The following KCNC2 variants were observed in gnomAD, a reference collection of about 807,000 sequenced individuals.
KCNC2 encodes the protein voltage-gated potassium channel KCNC2.
Under a neutral mutation model 44.5 loss-of-function variants are expected in KCNC2, and 21 were observed. The observed-to-expected ratio is 0.47, with a 90% CI of 0.33 to 0.68. The LOEUF (loss-of-function observed/expected upper bound fraction) is 0.68, where lower values mean the gene tolerates loss of function less well. KCNC2 is among the 30% of genes least tolerant of loss of function. KCNC2 has a pLI of 0.01. For missense variants in KCNC2, 589 were observed against 826.2 expected (o/e 0.71, Z 3.52); for synonymous variants, 391 against 339.1 (o/e 1.15, Z -1.68).
In KCNC2 at chr12:75,103,007, G is replaced by A. The variant is rs765527972; in HGVS notation, c.688-51690C>T. On this transcript the variant is annotated intron_variant, in intron 2 of 4. Coordinates refer to ENST00000549446, the MANE Select transcript of KCNC2 (RefSeq NM_139137.4). ...CACAGTAGGAGAAAGGACCTGGGGT[G>A]TCTCAAATGGGTGCAAGCATGACAA... is the stretch of plus-strand genomic sequence containing the variant. Among the ~76,000 whole-genome samples, 32 of 152,166 alleles carry A rather than the reference G, an allele frequency of 2.1e-4. 2 individuals carry two copies. The highest frequency in any genetic ancestry group is 2.1e-3 in the South Asian group (10 of 4,820).
chr12:75,178,674 C>A (rs1892358737), intron 2 of KCNC2, among the ~76,000 whole-genome samples: 1 of 151,942 alleles, frequency 6.6e-6, no homozygotes, highest in African/African-American at 2.4e-5. Flanking sequence ...AGTACACCCC[C>A]AATTTTTAAA....
At chr12:75,043,666 C>A in intron 4 of KCNC2, 2 of 1,306,396 alleles carry the variant, frequency 1.5e-6, no homozygotes. Context: ...ATTTCCTAAG[C>A]CAATAAAGCA....
At chr12:75,141,926 C>T (rs565680400) in intron 2 of KCNC2, among the ~76,000 whole-genome samples, 2 of 152,218 alleles carry the variant, frequency 1.3e-5, no homozygotes, top group South Asian at 2.1e-4. Flanking sequence ...TTCATCCTCA[C>T]AAAAATATAC....
At chr12:75,128,426 A>G (rs12425622) in intron 2 of KCNC2, among the ~76,000 whole-genome samples, 22,906 of 152,164 alleles carry the variant, frequency 0.15, 2,058 homozygotes, top group Middle Eastern at 0.27. Flanking sequence ...GTTATAAAAA[A>G]CAATACTTGG....
rs3073537 is a variant in KCNC2, at chr12:75,177,032, TTATATATA to T, written c.687+30257_687+30264del. Among the ~76,000 whole-genome samples, 11 of 139,912 alleles carry T rather than the reference TTATATATA, an allele frequency of 7.9e-5. No individual in the cohort carries two copies. In the South Asian group the frequency reaches 1.1e-3, roughly 14 times the overall value. The allele number at this position is 139,912 out of a possible 152,430, so 91.8% of individuals were successfully genotyped here. On this transcript the variant is annotated intron_variant, in intron 2 of 4. Transcript: ENST00000549446. ...GGTAAGTGAAGTGATGCTGCAAGTT[TTATATATA>T]TATATATATATATATATACACACAC... is the stretch of plus-strand genomic sequence containing the variant.
At chr12:75,070,665 AATG>A (rs1883309432) in intron 2 of KCNC2, among the ~76,000 whole-genome samples, 3 of 151,908 alleles carry the variant, frequency 2.0e-5, no homozygotes, top group Non-Finnish European at 4.4e-5. Flanking sequence ...TTTACTACAA[AATG>A]ATATTTTATA....
chr12:75,114,137 ACT>A (rs1454907625), intron 2 of KCNC2, among the ~76,000 whole-genome samples: 1 of 152,134 alleles, frequency 6.6e-6, no homozygotes, highest in African/African-American at 2.4e-5. Flanking sequence ...AAGTGGAATG[ACT>A]CTCAAAATCT....
intron 2 of KCNC2, among the ~76,000 whole-genome samples, chr12:75,149,965 G>C (rs1421541330): frequency 1.3e-5 from 2 of 151,744 alleles, no homozygotes; most frequent in Non-Finnish European, 2.9e-5. Flanking sequence ...GCTTAGGTTA[G>C]GCATGGACAT....
rs192015910 is a variant in KCNC2, at chr12:75,084,461, C to T, written c.688-33144G>A. On this transcript the variant is annotated intron_variant, in intron 2 of 4. Transcript: ENST00000549446. ...AGGTAATTGAATCATGGGGGTCAGT[C>T]TTTCTGGTGCTATTCTCGTGATAGT... 1.7e-3 allele frequency among the ~76,000 whole-genome samples: 256 copies of T among 152,042 alleles called. 4 individuals carry two copies. The highest frequency in any genetic ancestry group is 0.016 in the South Asian group (76 of 4,822).
intron 2 of KCNC2, among the ~76,000 whole-genome samples, chr12:75,141,136 C>T (rs118150252): frequency 3.3e-5 from 5 of 152,288 alleles, no homozygotes; most frequent in East Asian, 1.9e-4. Flanking sequence ...TTAGACACCT[C>T]TTATTTTTCT....
rs113398701 is a variant in KCNC2, at chr12:75,144,810, C to T, written c.687+62487G>A. ...TGGTGTTCAAATTGTGAATTGTCTA[C>T]GGTGAATGGTTTCTTCCTTTTGACA... On this transcript the variant is annotated intron_variant, in intron 2 of 4. Coordinates refer to ENST00000549446, the MANE Select transcript of KCNC2 (RefSeq NM_139137.4). Among the ~76,000 whole-genome samples, 1,408 of 152,138 alleles carry T rather than the reference C, an allele frequency of 9.3e-3. 19 individuals carry two copies. Among genetic ancestry groups the T allele is most frequent in the African/African-American group, 0.031 (1,307 of 41,512 alleles).
In KCNC2 at chr12:75,207,465, G is replaced by T; in HGVS notation, c.519C>A (p.Asp173Glu). ...EEALDIFETPDLIGGDPGDDE... is the reference protein window; with the variant it reads ...EEALDIFETPELIGGDPGDDE... The stretch of plus-strand genomic sequence containing the variant: ...CGTCGCCGGGGTCGCCGCCAATGAG[G>T]TCGGGGGTCTCGAAGATGTCCAGCG... The change falls in exon 2 of 5, where the codon GAC becomes GAA. Residue 173 changes from aspartate to glutamate, a missense_variant. Asp to Glu is a conservative substitution (Grantham distance 45, BLOSUM62 2). Transcript: ENST00000549446. The surrounding 1 kb of genome is among the most constrained non-coding windows in gnomAD (Gnocchi z 4.1). 1 of 1,612,336 alleles carries T rather than the reference G, an allele frequency of 6.2e-7. No individual in the cohort carries two copies.
chr12:75,081,085 G>A (rs1018690363), intron 2 of KCNC2, among the ~76,000 whole-genome samples: 6 of 120,862 alleles, frequency 5.0e-5, no homozygotes, highest in Non-Finnish European at 1.3e-4. Context: ...ATGTACTATA[G>A]CCTTCCTGTA....
At chr12:75,044,840 T>C (rs1447789743) in intron 4 of KCNC2, 1 of 151,994 alleles carries the variant, frequency 6.6e-6, no homozygotes, top group African/African-American at 2.4e-5. Context: ...TAAATAATTA[T>C]CTGCCAATGT....
chr12:75,071,279 T>C (rs1883374115), intron 2 of KCNC2, among the ~76,000 whole-genome samples: 1 of 152,172 alleles, frequency 6.6e-6, no homozygotes, highest in Non-Finnish European at 1.5e-5. Flanking sequence ...AAAAAAACCC[T>C]ACATGACAGC....
intron 2 of KCNC2, among the ~76,000 whole-genome samples, chr12:75,193,155 A>G (rs1417898042): frequency 6.6e-6 from 1 of 152,232 alleles, no homozygotes; most frequent in Non-Finnish European, 1.5e-5. Context: ...AGAAGCCTAT[A>G]CACATATAGT....
intron 4 of KCNC2, 143 bp downstream of exon 4, chr12:75,048,005 AAGGAG>A: frequency 1.5e-6 from 1 of 667,954 alleles, no homozygotes; most frequent in Non-Finnish European, 2.6e-6. Context: ...ACAAGTTTCT[AAGGAG>A]AGAAGATGTA....
chr12:75,201,843 T>C (rs1353663217), intron 2 of KCNC2, among the ~76,000 whole-genome samples: 1 of 151,974 alleles, frequency 6.6e-6, no homozygotes, highest in African/African-American at 2.4e-5. Flanking sequence ...ATGGAATATA[T>C]TGAAGGTTAT....
In KCNC2 at chr12:75,048,335, C is replaced by A; in HGVS notation, c.1616-18G>T. ...TGATAACACTGGTCACAGCACCATG[C>A]CCATTGACAGACAGTGATGAATGAG... On this transcript the variant is annotated intron_variant, in intron 3 of 4. Coordinates refer to ENST00000549446, the MANE Select transcript of KCNC2 (RefSeq NM_139137.4). 3.8e-6 allele frequency: 6 copies of A among 1,589,728 alleles called. No homozygotes were observed. The highest frequency in any genetic ancestry group is 5.1e-6 in the Non-Finnish European group (6 of 1,169,606).
Sources: allele counts gnomAD v4.1 joint callset (sites outside exome capture counted in the v4.1 genomes callset), GRCh38; gene constraint gnomAD v4.1.1; non-coding constraint Gnocchi (gnomAD v3.1); transcripts MANE v1.5; gene names NCBI Gene and HGNC (gene_info 2026-07-23, HGNC 2026-07-21).